MYO18B: variants seen among roughly 807,000 people sequenced by gnomAD.
MYO18B encodes the protein unconventional myosin-XVIIIb.
MYO18B carries 204 observed loss-of-function variants against 273.0 expected under a neutral mutation model. The ratio of observed to expected loss-of-function variants is 0.75; its 90% CI spans 0.67 to 0.84. The LOEUF (loss-of-function observed/expected upper bound fraction) is 0.84. Among genes scored for constraint, MYO18B ranks in the 40% least tolerant of loss-of-function variants. The pLI is 0.00. For synonymous variants in MYO18B, 1,330 were observed against 1,305.7 expected (o/e 1.02, Z -0.40); for missense variants, 3,212 against 3,287.6 (o/e 0.98, Z 0.56).
At chr22:25,799,509 T>G (rs1236747906) in intron 12 of MYO18B, among the ~76,000 whole-genome samples, 1 of 152,186 alleles carries the variant, frequency 6.6e-6, no homozygotes, top group Non-Finnish European at 1.5e-5. Flanking sequence ...TGGCTTCCTT[T>G]GGGCCCAGAG....
chr22:25,808,785 A>T (rs1327202229), intron 12 of MYO18B, among the ~76,000 whole-genome samples: 1 of 152,188 alleles, frequency 6.6e-6, no homozygotes. Context: ...TAAAGTGGGG[A>T]TAATCAGAGT....
intron 7 of MYO18B, among the ~76,000 whole-genome samples, chr22:25,775,804 G>A (rs1358039482): frequency 1.3e-5 from 2 of 151,326 alleles, no homozygotes; most frequent in African/African-American, 2.4e-5. Flanking sequence ...AACGCCTCCC[G>A]TTCACTGTAA....
At chr22:25,852,184 G>A (rs1050285410) in intron 21 of MYO18B, among the ~76,000 whole-genome samples, 12 of 152,114 alleles carry the variant, frequency 7.9e-5, no homozygotes, top group Non-Finnish European at 1.6e-4. Context: ...ACTCCTTAGG[G>A]CCTTTGCACG....
chr22:25,964,626 A>G (rs1469073682), intron 39 of MYO18B, among the ~76,000 whole-genome samples: 2 of 152,190 alleles, frequency 1.3e-5, no homozygotes, highest in Non-Finnish European at 2.9e-5. Flanking sequence ...TCTACCTACT[A>G]GAGGCAAATA....
intron 25 of MYO18B, among the ~76,000 whole-genome samples, chr22:25,880,935 T>A (rs1431528276): frequency 6.6e-6 from 1 of 152,236 alleles, no homozygotes; most frequent in Non-Finnish European, 1.5e-5. Context: ...GCCGAGGTCC[T>A]GGGACAATGT....
rs970943220 is a variant in MYO18B at position 25,938,862 on chromosome 22, A to G, written c.5518-7275A>G. On this transcript the variant is annotated intron_variant, in intron 34 of 43. Transcript: ENST00000335473. ...CTTTTTTAAGAGATGGGATTGCCCA[A>G]GCTGGAGTGCAGTGGTGTGATCATA... is the stretch of plus-strand genomic sequence containing the variant. Among the ~76,000 whole-genome samples, 4 of 152,344 alleles carry G rather than the reference A, an allele frequency of 2.6e-5. No individual in the cohort carries two copies. The South Asian group carries it at 8.3e-4, about 32-fold the overall frequency.
intron 32 of MYO18B, among the ~76,000 whole-genome samples, chr22:25,910,098 G>A (rs1178983001): frequency 2.6e-5 from 4 of 152,178 alleles, no homozygotes; most frequent in African/African-American, 7.2e-5. Context: ...GGTAATTGCT[G>A]AGAAATCAGA....
intron 11 of MYO18B, among the ~76,000 whole-genome samples, chr22:25,792,550 A>G (rs1412453747): frequency 1.6e-5 from 2 of 124,604 alleles, no homozygotes; most frequent in African/African-American, 6.1e-5. Flanking sequence ...GCTGGAGTGC[A>G]ATGGCGCGGT....
At position 25,805,846 on chromosome 22, in the gene MYO18B, G is replaced by T. The variant is rs1311004757; in HGVS notation, c.2521+7749G>T. ...TCTCCCGCTGTCCCTACTTCCCTTT[G>T]TCAACCCCTCAGCTCTTGATTCGAA... On this transcript the variant is annotated intron_variant, in intron 12 of 43. Coordinates refer to ENST00000335473, the MANE Select transcript of MYO18B (RefSeq NM_032608.7). 2.0e-5 allele frequency among the ~76,000 whole-genome samples: 3 copies of T among 152,256 alleles called. No individual in the cohort carries two copies. The East Asian group carries it at 5.8e-4, about 29-fold the overall frequency.
chr22:26,000,918 G>A (rs1417202965), intron 40 of MYO18B, among the ~76,000 whole-genome samples: 2 of 152,196 alleles, frequency 1.3e-5, no homozygotes, highest in Admixed American at 1.3e-4. Context: ...CAACCAGTGT[G>A]CAGATACTAT....
intron 28 of MYO18B, chr22:25,895,524 A>G (rs1290757892): frequency 2.6e-6 from 1 of 379,172 alleles, no homozygotes; most frequent in African/African-American, 2.0e-5. Flanking sequence ...CATGGATATT[A>G]ACTCAGGATA....
chr22:25,847,948 T>TACACACACAC (rs59375568), intron 20 of MYO18B, among the ~76,000 whole-genome samples: 4 of 146,176 alleles, frequency 2.7e-5, no homozygotes, highest in African/African-American at 1.0e-4. Context: ...CACACACACA[T>TACACACACAC]ACACACACAC....
chr22:25,870,884 G>C (rs898076892), intron 22 of MYO18B, among the ~76,000 whole-genome samples: 4 of 152,268 alleles, frequency 2.6e-5, no homozygotes, highest in Admixed American at 2.6e-4. Context: ...CAGTGCCTAT[G>C]ATCCTGGCAG....
intron 11 of MYO18B, among the ~76,000 whole-genome samples, chr22:25,793,407 A>G (rs983688198): frequency 6.6e-6 from 1 of 151,978 alleles, no homozygotes; most frequent in African/African-American, 2.4e-5. Flanking sequence ...GATAATTTTT[A>G]TATATTTTTT....
intron 25 of MYO18B, among the ~76,000 whole-genome samples, chr22:25,886,005 G>A (rs936620855): frequency 3.9e-5 from 6 of 152,202 alleles, no homozygotes; most frequent in East Asian, 1.9e-4. Context: ...CAGTCAACCC[G>A]TATTCATTGA....
At chr22:25,805,504 A>G (rs575037414) in intron 12 of MYO18B, among the ~76,000 whole-genome samples, 35 of 152,206 alleles carry the variant, frequency 2.3e-4, no homozygotes, top group South Asian at 1.0e-3. Context: ...ACGTCACCCA[A>G]TTGGACATAA....
intron 11 of MYO18B, among the ~76,000 whole-genome samples, chr22:25,786,428 A>G (rs1372667879): frequency 1.3e-5 from 2 of 152,122 alleles, no homozygotes; most frequent in African/African-American, 4.8e-5. Flanking sequence ...TCCACTCCAA[A>G]GCCTCTTTTC....
At chr22:25,868,168 C>T (rs1010639784) in intron 21 of MYO18B, among the ~76,000 whole-genome samples, 152 bp from the exon 22 acceptor site, 1 of 152,210 alleles carries the variant, frequency 6.6e-6, no homozygotes, top group African/African-American at 2.4e-5. Context: ...CCTGCACCTT[C>T]CTGTGTGAGG....
chr22:25,868,467 GTCTATTATC>G, intron 22 of MYO18B, 82 bp downstream of exon 22: 1 of 1,172,392 alleles, frequency 8.5e-7, no homozygotes, highest in Non-Finnish European at 1.2e-6. Flanking sequence ...TACCTCAATT[GTCTATTATC>G]TCTGTACGTC....
Sources: allele counts gnomAD v4.1 joint callset (sites outside exome capture counted in the v4.1 genomes callset), GRCh38; gene constraint gnomAD v4.1.1; transcripts MANE v1.5; gene names NCBI Gene and HGNC (gene_info 2026-07-23, HGNC 2026-07-21).